Variants in ZIC4 observed in about 807,000 individuals in gnomAD.
ZIC4 encodes zinc finger protein ZIC 4.
A neutral mutation model predicts 28.8 loss-of-function variants in ZIC4; 15 were observed. The observed-to-expected ratio is 0.52, with a 90% confidence interval of 0.35 to 0.80. ZIC4 has a LOEUF of 0.80. Ranked by LOEUF, ZIC4 falls within the 30% of genes least tolerant of loss-of-function variation. The pLI is 0.01. For synonymous variants in ZIC4, 220 were observed against 198.1 expected (o/e 1.11, Z -0.93); for missense variants, 512 against 467.1 (o/e 1.10, Z -0.89).
intron 1 of ZIC4, among the ~76,000 whole-genome samples, chr3:147,403,048 G>T (rs2087201684): frequency 6.6e-6 from 1 of 152,066 alleles, no homozygotes; most frequent in African/African-American, 2.4e-5. Flanking sequence ...TAATTTCCCA[G>T]CTAGGCTTTT....
chr3:147,389,083 G>A (rs1024380657), intron 4 of ZIC4: 3 of 583,614 alleles, frequency 5.1e-6, no homozygotes, highest in Non-Finnish European at 9.1e-6. Context: ...GTTTCACTAT[G>A]GGAAGGAGTT....
At chr3:147,389,026 G>A in intron 4 of ZIC4, 167 bp from the exon 5 acceptor site, 2 of 622,742 alleles carry the variant, frequency 3.2e-6, no homozygotes, top group Non-Finnish European at 5.8e-6. Flanking sequence ...ATTGGCAGAA[G>A]CAGCAAGTTC....
chr3:147,399,842 T>G (rs1292236442), intron 2 of ZIC4, among the ~76,000 whole-genome samples: 2 of 152,052 alleles, frequency 1.3e-5, no homozygotes, highest in Non-Finnish European at 2.9e-5. Flanking sequence ...ATTTTTGTAT[T>G]TTTAGTAAAG....
chr3:147,400,020 A>G (rs970374625), intron 2 of ZIC4, among the ~76,000 whole-genome samples: 2 of 152,172 alleles, frequency 1.3e-5, no homozygotes, highest in African/African-American at 4.8e-5. Flanking sequence ...TTTGAATAAC[A>G]GTATGGACAG....
chr3:147,395,618 T>C (rs572706301), intron 3 of ZIC4, among the ~76,000 whole-genome samples: 21 of 152,270 alleles, frequency 1.4e-4, no homozygotes, highest in African/African-American at 4.3e-4. Context: ...CTTAGGCACG[T>C]TCACCCTTGT....
rs749977452 is a variant in ZIC4 at position 147,395,937 on chromosome 3, C to G, written c.603G>C (p.Glu201Asp). ...CCGGGAAAGGACAAGGGAAGGGCTT[C>G]TCGCCCGTGTGCACGCGGATGTGAT... is the stretch of plus-strand genomic sequence containing the variant. ...LVNHIRVHTG[E>D]KPFPCPFPGC... is the part of the protein sequence containing the mutation. Residue 201 changes from glutamate to aspartate, a missense_variant, in exon 3 of 5, where the codon GAG (glutamate) becomes GAC (aspartate). Glu to Asp is a conservative substitution (Grantham distance 45, BLOSUM62 2). Around this residue, in one of 3 missense-constraint regions of ZIC4, gnomAD observed 58 missense variants for 93.8 expected, o/e 0.62. Transcript: ENST00000383075. 1 of 1,614,250 alleles carries G rather than the reference C, an allele frequency of 6.2e-7. No individual in the cohort carries two copies. Among genetic ancestry groups the G allele is most frequent in the Non-Finnish European group, 8.5e-7 (1 of 1,180,054 alleles).
In ZIC4 at chr3:147,402,772, A is replaced by T; in HGVS notation, c.26T>A (p.Met9Lys). The T allele has an allele frequency of 6.2e-7, 1 of 1,613,882 alleles. No homozygotes were observed. The highest frequency in any genetic ancestry group is 8.5e-7 in the Non-Finnish European group (1 of 1,179,962). Reference protein sequence around the residue: MRYKTSLVMRKRLRLYRNT... With the variant: MRYKTSLVKRKRLRLYRNT... ...TCGGTAAAGCCGTAATCGTTTCCTCATCACCAAGGATGTCTTGTATCTCAT... is the reference window on the plus strand; with the variant it reads ...TCGGTAAAGCCGTAATCGTTTCCTCTTCACCAAGGATGTCTTGTATCTCAT... The change falls in exon 2 of 5, where the codon ATG becomes AAG. Residue 9 changes from methionine to lysine, a missense_variant. Met to Lys is a moderately conservative substitution (Grantham distance 95). Coordinates refer to ENST00000383075, the MANE Select transcript of ZIC4 (RefSeq NM_032153.6).
chr3:147,397,764 G>A (rs13091304), intron 2 of ZIC4, among the ~76,000 whole-genome samples: 8 of 152,184 alleles, frequency 5.3e-5, no homozygotes, highest in Non-Finnish European at 1.0e-4. Flanking sequence ...GAAACTCCTA[G>A]GCTAGCAGCC....
rs1199383010 is a variant in ZIC4, at chr3:147,402,770, T to C, written c.28A>G (p.Arg10Gly). MRYKTSLVMRKRLRLYRNTL... is the reference protein window; with the variant it reads MRYKTSLVMGKRLRLYRNTL... ...TTTCGGTAAAGCCGTAATCGTTTCC[T>C]CATCACCAAGGATGTCTTGTATCTC... Residue 10 changes from arginine to glycine, a missense_variant, in exon 2 of 5, where the codon AGG (arginine) becomes GGG (glycine). Arg to Gly is a moderately radical substitution (Grantham distance 125). Transcript: ENST00000383075. 9.3e-6 allele frequency: 15 copies of C among 1,613,902 alleles called. No homozygotes were observed. Among genetic ancestry groups the C allele is most frequent in the Non-Finnish European group, 1.3e-5 (15 of 1,179,970 alleles).
At chr3:147,400,300 T>A (rs1371675198) in intron 2 of ZIC4, among the ~76,000 whole-genome samples, 2 of 152,228 alleles carry the variant, frequency 1.3e-5, no homozygotes, top group Non-Finnish European at 2.9e-5. Context: ...TACTACACAC[T>A]TTCTGTTAGT....
intron 3 of ZIC4, chr3:147,392,056 T>G (rs1310756179): frequency 3.0e-6 from 3 of 985,458 alleles, no homozygotes; most frequent in Admixed American, 6.1e-5. Context: ...GACCGTGCTG[T>G]GGGCAGCTGG....
intron 3 of ZIC4, chr3:147,392,365 G>T (rs1559960071): frequency 1.0e-5 from 10 of 985,420 alleles, no homozygotes; most frequent in Non-Finnish European, 1.2e-5. Context: ...GAGGGAAGGC[G>T]CGAGTGCACG....
rs1423373117 is a variant in ZIC4 at position 147,396,964 on chromosome 3, G to T, written c.71-495C>A. On this transcript the variant is annotated intron_variant, in intron 2 of 4. Coordinates refer to ENST00000383075, the MANE Select transcript of ZIC4 (RefSeq NM_032153.6). This position sits in a 1 kb window ranked among gnomAD's most constrained non-coding sequence, Gnocchi z 4.2. Reference sequence around the variant, plus strand: ...TGCCCCGCTTGGCTAGGAGAGGGCGGCCGGCTGCTTGCCGACCCACGCTCC... The same window carrying T: ...TGCCCCGCTTGGCTAGGAGAGGGCGTCCGGCTGCTTGCCGACCCACGCTCC... The T allele has an allele frequency of 6.5e-6, 1 of 152,860 alleles. No homozygotes were observed. The highest frequency in any genetic ancestry group is 1.5e-5 in the Non-Finnish European group (1 of 68,582). The allele number at this position is 152,860 out of a possible 1,614,324, so 9.5% of individuals were successfully genotyped here.
At position 147,396,854 on chromosome 3, in the gene ZIC4, T is replaced by G; in HGVS notation, c.71-385A>C. On this transcript the variant is annotated intron_variant, in intron 2 of 4. Transcript: ENST00000383075. The surrounding 1 kb of genome is among the most constrained non-coding windows in gnomAD (Gnocchi z 4.2). ...CACCCCGGGGCTCTCCGGGGCACGA[T>G]GCCCTGCGGGGAGTGGAGGTGACAG... is the stretch of plus-strand genomic sequence containing the variant. The G allele has an allele frequency of 3.4e-5, 6 of 178,208 alleles. No individual in the cohort carries two copies. The highest frequency in any genetic ancestry group is 7.0e-5 in the Non-Finnish European group (6 of 85,368). 11.0% of individuals were successfully genotyped at this position (178,208 alleles called of 1,614,324 possible). A position where few individuals can be genotyped will look rare whatever the true frequency, so the allele number is the denominator to read the frequency against.
chr3:147,392,496 C>T, intron 3 of ZIC4: 2 of 950,238 alleles, frequency 2.1e-6, no homozygotes, highest in Non-Finnish European at 2.5e-6. Context: ...CCTGCCGGAG[C>T]TGCAAGTGCT....
chr3:147,400,273 C>T (rs1000870277), intron 2 of ZIC4, among the ~76,000 whole-genome samples: 2 of 152,210 alleles, frequency 1.3e-5, no homozygotes, highest in Non-Finnish European at 2.9e-5. Context: ...AGGTTTTATA[C>T]ACATAGTCTG....
chr3:147,391,687 T>C (rs1653389660), intron 3 of ZIC4: 1 of 157,592 alleles, frequency 6.3e-6, no homozygotes, highest in African/African-American at 2.4e-5. Flanking sequence ...TCAGACTAAC[T>C]TCTCTGCCGC....
intron 1 of ZIC4, chr3:147,405,484 T>C (rs754257415): frequency 6.5e-7 from 1 of 1,537,098 alleles, no homozygotes; most frequent in Non-Finnish European, 8.7e-7. Context: ...ACCCCAACTT[T>C]CAGATCCAAC....
chr3:147,390,251 T>C (rs1276444123), intron 4 of ZIC4, among the ~76,000 whole-genome samples: 1 of 150,826 alleles, frequency 6.6e-6, no homozygotes, highest in Non-Finnish European at 1.5e-5. Context: ...AAATTAGGAC[T>C]TGTGTGTTTT....
Sources: allele counts gnomAD v4.1 joint callset (sites outside exome capture counted in the v4.1 genomes callset), GRCh38; gene constraint gnomAD v4.1.1; regional missense constraint gnomAD v4.1.1; non-coding constraint Gnocchi (gnomAD v3.1); transcripts MANE v1.5; gene names NCBI Gene and HGNC (gene_info 2026-07-23, HGNC 2026-07-21).